RBKS: variants seen among roughly 807,000 people sequenced by gnomAD.
RBKS encodes the protein ribokinase.
RBKS carries 33 observed loss-of-function variants against 33.9 expected under a neutral mutation model. That is an observed-to-expected ratio of 0.97 (90% CI 0.74 to 1.30). RBKS has a LOEUF of 1.30. Among genes scored for constraint, RBKS ranks in the 50% most tolerant of loss-of-function variants. RBKS has a pLI of 0.00. For synonymous variants in RBKS, 125 were observed against 143.0 expected (o/e 0.87, Z 0.90); for missense variants, 361 against 392.6 (o/e 0.92, Z 0.68).
chr2:27,839,930 A>C (rs1012796292), intron 5 of RBKS, among the ~76,000 whole-genome samples: 1 of 152,010 alleles, frequency 6.6e-6, no homozygotes, highest in Non-Finnish European at 1.5e-5. Context: ...TACTTGACTG[A>C]GATCCCCCAT....
intron 7 of RBKS, among the ~76,000 whole-genome samples, chr2:27,785,076 T>C (rs971149475): frequency 6.6e-6 from 1 of 152,202 alleles, no homozygotes; most frequent in African/African-American, 2.4e-5. Context: ...CAAAATTAAA[T>C]TCTAGCTAAA....
chr2:27,820,733 G>T (rs1678186904), intron 7 of RBKS, among the ~76,000 whole-genome samples: 1 of 151,372 alleles, frequency 6.6e-6, no homozygotes, highest in Admixed American at 6.6e-5. Flanking sequence ...TTTTCAAAGG[G>T]AAAGTATATT....
chr2:27,856,964 C>T (rs1186643650), intron 2 of RBKS, among the ~76,000 whole-genome samples: 1 of 152,152 alleles, frequency 6.6e-6, no homozygotes, highest in Non-Finnish European at 1.5e-5. Flanking sequence ...TTAAATCTAT[C>T]AAGAGCTCAA....
At chr2:27,814,549 C>G (rs150133031) in intron 7 of RBKS, among the ~76,000 whole-genome samples, 1 of 152,220 alleles carries the variant, frequency 6.6e-6, no homozygotes, top group African/African-American at 2.4e-5. Context: ...ACAACTTGAT[C>G]TAAACAATTA....
At chr2:27,869,041 T>G (rs919718033) in intron 1 of RBKS, among the ~76,000 whole-genome samples, 1 of 152,138 alleles carries the variant, frequency 6.6e-6, no homozygotes, top group Non-Finnish European at 1.5e-5. Flanking sequence ...ATAAGGAGAA[T>G]GAAAATCAGA....
chr2:27,807,817 T>TG (rs574151761), intron 7 of RBKS, among the ~76,000 whole-genome samples: 121 of 151,988 alleles, frequency 8.0e-4, no homozygotes, highest in Middle Eastern at 3.4e-3. Flanking sequence ...TAGTATTTTG[T>TG]GGGGGGGAAT....
intron 2 of RBKS, among the ~76,000 whole-genome samples, chr2:27,855,715 A>G (rs1356862282): frequency 6.6e-6 from 1 of 152,236 alleles, no homozygotes; most frequent in Non-Finnish European, 1.5e-5. Flanking sequence ...GAAGTGTTTC[A>G]TTATACATGT....
At chr2:27,791,480 C>T (rs1045174962) in intron 7 of RBKS, among the ~76,000 whole-genome samples, 1 of 152,062 alleles carries the variant, frequency 6.6e-6, no homozygotes, top group South Asian at 2.1e-4. Context: ...CCCTCTCCCT[C>T]AGCACACTAA....
chr2:27,843,255 T>C (rs74446114), intron 4 of RBKS, 24 bp from the exon 5 acceptor site: 276,912 of 1,566,450 alleles, frequency 0.18, 26,130 homozygotes, highest in East Asian at 0.29. Flanking sequence ...CCACCTATTA[T>C]ATTAAAACTA....
intron 6 of RBKS, among the ~76,000 whole-genome samples, chr2:27,830,015 G>A (rs996071909): frequency 6.6e-6 from 1 of 152,086 alleles, no homozygotes; most frequent in Non-Finnish European, 1.5e-5. Context: ...GACCCACAGC[G>A]GGTGAACTTC....
intron 5 of RBKS, among the ~76,000 whole-genome samples, chr2:27,842,491 T>C (rs1663530097): frequency 6.6e-6 from 1 of 152,184 alleles, no homozygotes. Context: ...AAAAACCTAA[T>C]CTTCAATTCC....
At chr2:27,881,090 A>AAAC (rs1558558952) in intron 1 of RBKS, among the ~76,000 whole-genome samples, 154 of 151,436 alleles carry the variant, frequency 1.0e-3, no homozygotes, top group African/African-American at 3.6e-3. Context: ...AACAAACAAA[A>AAAC]AAACAGAAAT....
intron 7 of RBKS, among the ~76,000 whole-genome samples, chr2:27,801,959 AAAAAATATATATATATAT>A (rs1315568788): frequency 1.6e-5 from 1 of 63,472 alleles, no homozygotes; most frequent in African/African-American, 6.1e-5. Context: ...GGAAAAAAAA[AAAAAATATATATATATAT>A]ATATATATAT....
chr2:27,822,879 G>A (rs914355016), intron 7 of RBKS, among the ~76,000 whole-genome samples: 5 of 152,166 alleles, frequency 3.3e-5, no homozygotes, highest in African/African-American at 4.8e-5. Context: ...TTTAGCCTAC[G>A]GACTAAATTC....
chr2:27,843,010 T>C, intron 5 of RBKS, 57 bp downstream of exon 5: 1 of 1,349,338 alleles, frequency 7.4e-7, no homozygotes, highest in Non-Finnish European at 1.0e-6. Context: ...AAGGTTAACT[T>C]TAATTAAGAC....
At chr2:27,867,610 C>A (rs992600408) in intron 1 of RBKS, among the ~76,000 whole-genome samples, 5 of 152,064 alleles carry the variant, frequency 3.3e-5, no homozygotes, top group African/African-American at 1.2e-4. Flanking sequence ...TAAACATACA[C>A]ATAAAAATTA....
chr2:27,819,040 A>C (rs1239842483), intron 7 of RBKS, among the ~76,000 whole-genome samples: 2 of 152,168 alleles, frequency 1.3e-5, no homozygotes, highest in Non-Finnish European at 2.9e-5. Context: ...TCTAGCATTC[A>C]CTTCAGGTCA....
chr2:27,812,887 C>A (rs1678012315), intron 7 of RBKS, among the ~76,000 whole-genome samples: 1 of 149,132 alleles, frequency 6.7e-6, no homozygotes, highest in Non-Finnish European at 1.5e-5. Flanking sequence ...TAGAAAAGTG[C>A]TTAGAAAAAA....
At chr2:27,805,965 C>T (rs1231082720) in intron 7 of RBKS, among the ~76,000 whole-genome samples, 1 of 151,964 alleles carries the variant, frequency 6.6e-6, no homozygotes, top group Non-Finnish European at 1.5e-5. Context: ...GATCTCAGCT[C>T]ACTGTAGGCT....
Sources: gnomAD v4.1 joint callset for allele counts (sites outside exome capture counted in the v4.1 genomes callset) on GRCh38, gnomAD v4.1.1 for gene constraint, MANE v1.5 for transcripts, NCBI Gene and HGNC (gene_info 2026-07-23, HGNC 2026-07-21) for gene names.